NAALADL2: variants seen among roughly 807,000 people sequenced by gnomAD.
The protein encoded by NAALADL2 is N-acetylated alpha-linked acidic dipeptidase like 2, also known as inactive N-acetylated-alpha-linked acidic dipeptidase-like protein 2.
NAALADL2 carries 76 observed loss-of-function variants against 87.2 expected under a neutral mutation model. The observed-to-expected ratio is 0.87, with a 90% CI of 0.72 to 1.05. The LOEUF is 1.05. Among genes scored for constraint, NAALADL2 ranks in the 50% least tolerant of loss-of-function variants. The pLI, the probability that NAALADL2 is intolerant of heterozygous loss-of-function variation, is 0.00. For synonymous variants in NAALADL2, 354 were observed against 331.0 expected, an observed-to-expected ratio of 1.07 and a Z score of -0.75; for missense variants, 1,089 against 945.8, an observed-to-expected ratio of 1.15 and a Z score of -1.99.
At chr3:175,412,265 G>A (rs552782531) in intron 5 of NAALADL2, among the ~76,000 whole-genome samples, 6 of 152,200 alleles carry the variant, frequency 3.9e-5, no homozygotes, top group South Asian at 2.1e-4. Context: ...GTATGTGCAC[G>A]TGCACGCGTA....
At position 175,323,325 on chromosome 3, in the gene NAALADL2, CTG is replaced by C. The variant is rs1182545246; in HGVS notation, c.940-849_940-848del. Among the ~76,000 whole-genome samples the C allele has an allele frequency of 6.5e-5, 7 of 108,042 alleles. No homozygotes were observed. The Admixed American group carries it at 9.5e-4, about 15-fold the overall frequency. 70.9% of individuals were successfully genotyped at this position (108,042 alleles called of 152,430 possible). Reference sequence around the variant, plus strand: ...GACACAGGAAGGGGAATATCACACTCTGGGGACTGTGGTGGGGTGGGGGGAGG... The same window carrying C: ...GACACAGGAAGGGGAATATCACACTCGGGACTGTGGTGGGGTGGGGGGAGG... On this transcript the variant is annotated intron_variant, in intron 4 of 13. Coordinates refer to ENST00000454872, the MANE Select transcript of NAALADL2 (RefSeq NM_207015.3).
chr3:174,974,950 A>G (rs554293068), intron 1 of NAALADL2, among the ~76,000 whole-genome samples: 3 of 152,198 alleles, frequency 2.0e-5, no homozygotes, highest in Admixed American at 6.5e-5. Context: ...AAAAAAGACT[A>G]TTTTTGAAAT....
chr3:175,251,926 T>G (rs1749139961), intron 3 of NAALADL2, among the ~76,000 whole-genome samples: 2 of 152,216 alleles, frequency 1.3e-5, no homozygotes, highest in African/African-American at 2.4e-5. Context: ...TTGTCTGTAT[T>G]TAGAACTATT....
intron 2 of NAALADL2, among the ~76,000 whole-genome samples, chr3:175,228,780 G>T (rs973413390): frequency 6.6e-6 from 1 of 151,758 alleles, no homozygotes; most frequent in Non-Finnish European, 1.5e-5. Flanking sequence ...GAGAAGGAAG[G>T]CTTGCTATCT....
At chr3:175,352,110 G>T (rs1368840691) in intron 5 of NAALADL2, among the ~76,000 whole-genome samples, 2 of 152,038 alleles carry the variant, frequency 1.3e-5, no homozygotes, top group Non-Finnish European at 2.9e-5. Flanking sequence ...TGGATTTCAG[G>T]TGGCTCTCAA....
At chr3:175,455,116 T>A (rs1722129057) in intron 6 of NAALADL2, among the ~76,000 whole-genome samples, 1 of 152,006 alleles carries the variant, frequency 6.6e-6, no homozygotes. Flanking sequence ...TGGCTTTTAG[T>A]CAAGCAGAGT....
intron 5 of NAALADL2, among the ~76,000 whole-genome samples, chr3:175,393,484 G>T (rs938696573): frequency 6.6e-6 from 1 of 150,848 alleles, no homozygotes; most frequent in Non-Finnish European, 1.5e-5. Context: ...AATTTTTTAG[G>T]TTATAATTCT....
At chr3:174,541,835 C>T (rs927815831) in intron 1 of NAALADL2, among the ~76,000 whole-genome samples, 5 of 152,098 alleles carry the variant, frequency 3.3e-5, no homozygotes, top group African/African-American at 7.2e-5. Context: ...AAAATTGGGG[C>T]TTAGTCTGGG....
At chr3:175,474,364 A>C (rs1465592988) in intron 9 of NAALADL2, among the ~76,000 whole-genome samples, 1 of 152,222 alleles carries the variant, frequency 6.6e-6, no homozygotes, top group Non-Finnish European at 1.5e-5. Context: ...TTAATGGATT[A>C]CAAGCTTGAT....
chr3:175,122,545 G>T (rs114529961), intron 2 of NAALADL2, among the ~76,000 whole-genome samples: 403 of 151,854 alleles, frequency 2.7e-3, no homozygotes, highest in Non-Finnish European at 4.5e-3. Flanking sequence ...GCAAGAAAGG[G>T]AGCTATGAGC....
intron 2 of NAALADL2, among the ~76,000 whole-genome samples, chr3:174,718,179 G>A (rs1731383049): frequency 6.6e-6 from 1 of 152,046 alleles, no homozygotes; most frequent in Non-Finnish European, 1.5e-5. Context: ...GATAAGATAT[G>A]CCATTGAAAA....
chr3:175,682,925 G>A (rs972825252), intron 11 of NAALADL2, among the ~76,000 whole-genome samples: 2 of 151,770 alleles, frequency 1.3e-5, no homozygotes, highest in Non-Finnish European at 2.9e-5. Context: ...CATACCCTTG[G>A]GGAAACATAT....
Position 174,661,827 on chromosome 3 carries a change from GCACA to G in NAALADL2, c.-114-75800_-114-75797del, listed in dbSNP as rs144556364. Among the ~76,000 whole-genome samples, 352 of 150,410 alleles carry G rather than the reference GCACA, an allele frequency of 2.3e-3. 8 individuals carry two copies. Among genetic ancestry groups the G allele is most frequent in the Non-Finnish European group, 3.6e-4 (24 of 67,436 alleles). Reference sequence around the variant, plus strand: ...AAATGTGGTATACACATGCGTGCACGCACACACACACACACACGAGCTGTAAAAG... The same window carrying G: ...AAATGTGGTATACACATGCGTGCACGCACACACACACACGAGCTGTAAAAG... On this transcript the variant is annotated intron_variant, in intron 2 of 3. Coordinates refer to the NAALADL2 transcript ENST00000434257.
chr3:175,099,379 A>G (rs9848123), intron 2 of NAALADL2, among the ~76,000 whole-genome samples: 95,486 of 151,958 alleles, frequency 0.63, 30,322 homozygotes, highest in African/African-American at 0.73. Context: ...CTGTAGTTAG[A>G]CACAGATTAA....
intron 9 of NAALADL2, among the ~76,000 whole-genome samples, chr3:175,535,255 T>G (rs538170941): frequency 4.7e-4 from 71 of 152,304 alleles, no homozygotes; most frequent in African/African-American, 1.5e-3. Flanking sequence ...TGAAAACATT[T>G]GTTGGATAAA....
At chr3:174,754,109 C>A (rs983126337) in intron 3 of NAALADL2, among the ~76,000 whole-genome samples, 16 of 152,132 alleles carry the variant, frequency 1.1e-4, no homozygotes, top group Non-Finnish European at 2.1e-4. Flanking sequence ...CTAAGACATT[C>A]AATTTCATGT....
chr3:175,539,376 T>C (rs1234578741), intron 9 of NAALADL2, among the ~76,000 whole-genome samples: 2 of 152,216 alleles, frequency 1.3e-5, no homozygotes, highest in African/African-American at 4.8e-5. Context: ...TTATTGACAG[T>C]TACGCATTAA....
intron 13 of NAALADL2, among the ~76,000 whole-genome samples, chr3:175,786,007 T>C (rs1751891967): frequency 6.6e-6 from 1 of 152,184 alleles, no homozygotes; most frequent in Non-Finnish European, 1.5e-5. Flanking sequence ...GAAAATTCTT[T>C]TAAGAATGTT....
At chr3:174,508,123 T>TG (rs1560021025) in intron 1 of NAALADL2, among the ~76,000 whole-genome samples, 2 of 142,856 alleles carry the variant, frequency 1.4e-5, no homozygotes, top group Non-Finnish European at 3.1e-5. Flanking sequence ...GGTTTTTTTT[T>TG]TTTTTTTTGA....
Sources: gnomAD v4.1 joint callset for allele counts (sites outside exome capture counted in the v4.1 genomes callset) on GRCh38, gnomAD v4.1.1 for gene constraint, MANE v1.5 for transcripts, NCBI Gene and HGNC (gene_info 2026-07-23, HGNC 2026-07-21) for gene names.